SFMBT2: variants seen among roughly 807,000 people sequenced by gnomAD.
SFMBT2 encodes Scm like with four mbt domains 2.
SFMBT2 carries 38 observed loss-of-function variants against 110.1 expected under a neutral mutation model. That is an observed-to-expected ratio of 0.35 (90% CI 0.27 to 0.45). The LOEUF (loss-of-function observed/expected upper bound fraction) is 0.45. Ranked by LOEUF, SFMBT2 falls within the 20% of genes least tolerant of loss-of-function variation. The pLI, the probability that SFMBT2 is intolerant of heterozygous loss-of-function variation, is 1.00. For synonymous variants in SFMBT2, 425 were observed against 425.4 expected, an observed-to-expected ratio of 1.00 and a Z score of 0.01; for missense variants, 1,011 against 1,094.9, an observed-to-expected ratio of 0.92 and a Z score of 1.08.
chr10:7,325,782 G>C (rs1053677891), intron 4 of SFMBT2, among the ~76,000 whole-genome samples: 6 of 152,274 alleles, frequency 3.9e-5, no homozygotes, highest in African/African-American at 9.6e-5. Flanking sequence ...CTGCTATCGG[G>C]TAACGGTTTA....
chr10:7,321,395 G>A (rs1377769471), intron 4 of SFMBT2, among the ~76,000 whole-genome samples: 1 of 152,046 alleles, frequency 6.6e-6, no homozygotes, highest in Non-Finnish European at 1.5e-5. Context: ...TAGAGATGGG[G>A]TTTCACTGTG....
intron 4 of SFMBT2, among the ~76,000 whole-genome samples, chr10:7,291,404 T>A (rs936181683): frequency 6.6e-6 from 1 of 152,226 alleles, no homozygotes; most frequent in African/African-American, 2.4e-5. Context: ...CAGTTTTCGT[T>A]TGCAATGTTT....
intron 1 of SFMBT2, among the ~76,000 whole-genome samples, chr10:7,391,433 T>C (rs1845761482): frequency 1.4e-5 from 2 of 143,714 alleles, no homozygotes; most frequent in South Asian, 4.3e-4. Flanking sequence ...GCTACTGCAC[T>C]CCAGCCTGGG....
At chr10:7,233,729 C>T (rs1840177526) in intron 9 of SFMBT2, among the ~76,000 whole-genome samples, 1 of 152,196 alleles carries the variant, frequency 6.6e-6, no homozygotes, top group Non-Finnish European at 1.5e-5. Flanking sequence ...TTCCAATTGA[C>T]AGCTGATCTT....
At chr10:7,391,681 A>C (rs920892915) in intron 1 of SFMBT2, among the ~76,000 whole-genome samples, 9 of 152,212 alleles carry the variant, frequency 5.9e-5, no homozygotes, top group Non-Finnish European at 1.2e-4. Context: ...CTTGAAAAGT[A>C]AAATTATAAA....
intron 10 of SFMBT2, among the ~76,000 whole-genome samples, chr10:7,222,276 T>C (rs980432769): frequency 6.6e-6 from 1 of 152,238 alleles, no homozygotes; most frequent in Non-Finnish European, 1.5e-5. Flanking sequence ...TTTTCAGTGA[T>C]TGTGATTAAA....
Position 7,367,879 on chromosome 10 carries a change from C to G in SFMBT2, c.206G>C (p.Ser69Thr). Residue 69 changes from serine to threonine, a missense_variant, in exon 4 of 21, where the codon AGC (serine) becomes ACC (threonine). Ser to Thr is a moderately conservative substitution (Grantham distance 58). Around this residue, in one of 2 missense-constraint regions of SFMBT2, gnomAD observed 979 missense variants for 1,016.1 expected, o/e 0.96. Coordinates refer to ENST00000397167, the MANE Select transcript of SFMBT2 (RefSeq NM_001387889.1). This position sits in a 1 kb window ranked among gnomAD's most constrained non-coding sequence, Gnocchi z 6.2. ...PHTSFKHVEI[S>T]IQSNFQPGMK... ...TCCTGGCTGGAAGTTGCTCTGAATGCTGATTTCAACCTTAAGGAATCAGAA... is the reference window on the plus strand; with the variant it reads ...TCCTGGCTGGAAGTTGCTCTGAATGGTGATTTCAACCTTAAGGAATCAGAA... The G allele has an allele frequency of 1.2e-6, 2 of 1,614,116 alleles. No individual in the cohort carries two copies. Among genetic ancestry groups the G allele is most frequent in the Non-Finnish European group, 1.7e-6 (2 of 1,180,016 alleles).
At chr10:7,397,739 T>C (rs1013113004) in intron 1 of SFMBT2, among the ~76,000 whole-genome samples, 1 of 152,208 alleles carries the variant, frequency 6.6e-6, no homozygotes, top group African/African-American at 2.4e-5. Context: ...AAGAACCGCA[T>C]CTGTAAATGG....
At chr10:7,360,993 T>A (rs1360594939) in intron 4 of SFMBT2, among the ~76,000 whole-genome samples, 1 of 152,254 alleles carries the variant, frequency 6.6e-6, no homozygotes, top group African/African-American at 2.4e-5. Context: ...AAACATTTTT[T>A]AATAAAATAT....
chr10:7,271,576 G>A (rs1841585225), intron 7 of SFMBT2, among the ~76,000 whole-genome samples: 2 of 152,134 alleles, frequency 1.3e-5, no homozygotes, highest in South Asian at 4.1e-4. Flanking sequence ...CAGGGTCAGG[G>A]GTCCAGGGAA....
chr10:7,209,010 T>C (rs1839246673), intron 11 of SFMBT2, among the ~76,000 whole-genome samples: 1 of 152,186 alleles, frequency 6.6e-6, no homozygotes, highest in South Asian at 2.1e-4. Flanking sequence ...TAAGAACTGA[T>C]GGAAAAGTCA....
chr10:7,217,842 C>T (rs917948779), intron 11 of SFMBT2, among the ~76,000 whole-genome samples: 17 of 152,190 alleles, frequency 1.1e-4, no homozygotes, highest in African/African-American at 3.6e-4. Context: ...GCCTCCTTTC[C>T]GGAACACTGG....
At chr10:7,244,339 C>G (rs1417050898) in intron 8 of SFMBT2, 1 of 188,334 alleles carries the variant, frequency 5.3e-6, no homozygotes, top group Non-Finnish European at 9.8e-6. Flanking sequence ...CGCCCTCACT[C>G]TGCGCTCCTA....
chr10:7,171,912 T>C lies in SFMBT2; in HGVS notation c.2398A>G (p.Lys800Glu). 6 of 1,436,258 alleles carry C rather than the reference T, an allele frequency of 4.2e-6. No homozygotes were observed. The highest frequency in any genetic ancestry group is 5.5e-6 in the Non-Finnish European group (6 of 1,097,684). The allele number at this position is 1,436,258 out of a possible 1,614,324, so 89.0% of individuals were successfully genotyped here. A position where few individuals can be genotyped will look rare whatever the true frequency, so the allele number is the denominator to read the frequency against. The change falls in exon 19 of 21, where the codon AAG becomes GAG. Residue 800 changes from lysine (K) to glutamate (E), a missense_variant. Around this residue, in one of 2 missense-constraint regions of SFMBT2, gnomAD observed 979 missense variants for 1,016.1 expected, o/e 0.96. Transcript: ENST00000397167. This position sits in a 1 kb window ranked among gnomAD's most constrained non-coding sequence, Gnocchi z 4.9. Reference protein sequence around the residue: ...AEEGEKCPPTKPEGTEDTKQE... With the variant: ...AEEGEKCPPTEPEGTEDTKQE... ...GGCATCACCTCTGTCCCCTCGGGCT[T>C]GGTCGGCGGGCACTTCTCCCCTTCC...
intron 9 of SFMBT2, among the ~76,000 whole-genome samples, chr10:7,229,121 T>G (rs1217130442): frequency 1.3e-5 from 2 of 152,182 alleles, no homozygotes; most frequent in Non-Finnish European, 2.9e-5. Flanking sequence ...TTGGTGGAAA[T>G]CTACATGAAG....
At position 7,172,215 on chromosome 10, in the gene SFMBT2, G is replaced by GC. The variant is rs1157985175; in HGVS notation, c.2152-58dup. 3.3e-6 allele frequency: 5 copies of GC among 1,507,144 alleles called. No individual in the cohort carries two copies. Among genetic ancestry groups the GC allele is most frequent in the Non-Finnish European group, 4.4e-6 (5 of 1,128,902 alleles). The allele number at this position is 1,507,144 out of a possible 1,614,324, so 93.4% of individuals were successfully genotyped here. A position where few individuals can be genotyped will look rare whatever the true frequency, so the allele number is the denominator to read the frequency against. On this transcript the variant is annotated intron_variant, in intron 18 of 20. Coordinates refer to ENST00000397167, the MANE Select transcript of SFMBT2 (RefSeq NM_001387889.1). The surrounding 1 kb of genome is among the most constrained non-coding windows in gnomAD (Gnocchi z 4.6). ...GGTGGCCCGGGGGCCTGTAGCGGTG[G>GC]CCCCGCGGTCAGACCCTGGGCCCAG...
chr10:7,353,116 G>A (rs1844378870), intron 4 of SFMBT2, among the ~76,000 whole-genome samples: 1 of 152,104 alleles, frequency 6.6e-6, no homozygotes, highest in South Asian at 2.1e-4. Flanking sequence ...ACACACTATT[G>A]GCCAAAAGTT....
At chr10:7,381,183 G>C (rs1277991798) in intron 2 of SFMBT2, among the ~76,000 whole-genome samples, 1 of 152,138 alleles carries the variant, frequency 6.6e-6, no homozygotes, top group Non-Finnish European at 1.5e-5. Flanking sequence ...TTCTGGAAGG[G>C]AGACGCACTT....
Position 7,317,713 on chromosome 10 carries a change from G to T in SFMBT2, c.437-31759C>A, listed in dbSNP as rs1453936935. 2.0e-5 allele frequency among the ~76,000 whole-genome samples: 3 copies of T among 150,956 alleles called. No individual in the cohort carries two copies. The South Asian group carries it at 6.3e-4, about 31-fold the overall frequency. ...CCACGCTGACCTGGTCCACAGAGGAGAAGGTAAAAGATCTGAGTCAGATCC... is the reference window on the plus strand; with the variant it reads ...CCACGCTGACCTGGTCCACAGAGGATAAGGTAAAAGATCTGAGTCAGATCC... On this transcript the variant is annotated intron_variant, in intron 4 of 20. Transcript: ENST00000397167.
Sources: gnomAD v4.1 joint callset for allele counts (sites outside exome capture counted in the v4.1 genomes callset) on GRCh38, gnomAD v4.1.1 for gene constraint, gnomAD v4.1.1 regional missense constraint, Gnocchi (gnomAD v3.1) non-coding constraint, MANE v1.5 for transcripts, NCBI Gene and HGNC (gene_info 2026-07-23, HGNC 2026-07-21) for gene names.